Variants in TSHR observed in about 807,000 individuals in gnomAD.
The protein encoded by TSHR is thyrotropin receptor.
Under a neutral mutation model 64.1 loss-of-function variants are expected in TSHR, and 51 were observed. That is an observed-to-expected ratio of 0.80 (90% confidence interval 0.64 to 1.01). TSHR has a LOEUF of 1.01. Among genes scored for constraint, TSHR ranks in the 50% least tolerant of loss-of-function variants. TSHR has a pLI of 0.00. For synonymous variants in TSHR, 361 were observed against 361.9 expected (o/e 1.00, Z 0.03); for missense variants, 877 against 942.8 (o/e 0.93, Z 0.91).
intron 1 of TSHR, among the ~76,000 whole-genome samples, chr14:80,999,041 G>A (rs1413253377): frequency 6.6e-6 from 1 of 152,228 alleles, no homozygotes; most frequent in East Asian, 1.9e-4. Context: ...CCAATTTTGA[G>A]GATATCATAT....
intron 3 of TSHR, among the ~76,000 whole-genome samples, chr14:81,074,435 G>A (rs1227978669): frequency 6.6e-6 from 1 of 152,160 alleles, no homozygotes; most frequent in Non-Finnish European, 1.5e-5. Flanking sequence ...GAAATATAGA[G>A]CTGAAAGATC....
At chr14:80,985,004 A>T (rs542655530) in intron 1 of TSHR, among the ~76,000 whole-genome samples, 3 of 152,182 alleles carry the variant, frequency 2.0e-5, no homozygotes, top group Non-Finnish European at 4.4e-5. Context: ...TAATCCTAGC[A>T]CTTTGGGAAG....
intron 8 of TSHR, among the ~76,000 whole-genome samples, chr14:81,110,421 A>G (rs1279473369): frequency 6.6e-6 from 1 of 152,248 alleles, no homozygotes; most frequent in Middle Eastern, 3.2e-3. Flanking sequence ...GTGAGGCCAC[A>G]GCAAGAAGGT....
intron 3 of TSHR, among the ~76,000 whole-genome samples, chr14:81,081,828 A>C (rs760056280): frequency 2.0e-5 from 3 of 152,178 alleles, no homozygotes; most frequent in Non-Finnish European, 4.4e-5. Context: ...GTATGCAGCA[A>C]AGTGCACCTA....
intron 1 of TSHR, chr14:80,983,733 G>A (rs953849552): frequency 7.5e-5 from 32 of 424,346 alleles, no homozygotes; most frequent in African/African-American, 5.5e-4. Flanking sequence ...TTATTATGGT[G>A]TACAAGTTAT....
chr14:80,975,278 G>A (rs777276820), intron 1 of TSHR, among the ~76,000 whole-genome samples: 1 of 150,802 alleles, frequency 6.6e-6, no homozygotes, highest in Admixed American at 6.6e-5. Context: ...CACAAATGAA[G>A]TATTTCATTT....
intron 8 of TSHR, among the ~76,000 whole-genome samples, chr14:81,118,575 C>T (rs1015113688): frequency 6.6e-6 from 1 of 151,574 alleles, no homozygotes; most frequent in Non-Finnish European, 1.5e-5. Flanking sequence ...TAGGAAGAAT[C>T]AATATTGTGA....
chr14:81,001,284 A>T, intron 1 of TSHR: 1 of 223,008 alleles, frequency 4.5e-6, no homozygotes, highest in Admixed American at 5.1e-5. Context: ...CTGAATCCTT[A>T]CTGAAAAGGA....
Position 81,144,172 on chromosome 14 carries a change from CA to C in TSHR, c.2115del (p.Tyr706ThrfsTer23), listed in dbSNP as rs1891837478. 3.7e-6 allele frequency: 6 copies of C among 1,613,942 alleles called. No homozygotes were observed. The highest frequency in any genetic ancestry group is 5.1e-6 in the Non-Finnish European group (6 of 1,179,968). ...GGCATCTGTAAACGCCAGGCTCAGG[CA>C]TACCGGGGGCAGAGGGTTCCTCCAA... ...KFGICKRQAQ[A>X]YRGQRVPPKN... On this transcript the variant is annotated frameshift_variant, in exon 10 of 10. Coordinates refer to ENST00000298171, the MANE Select transcript of TSHR (RefSeq NM_000369.5). LOFTEE classifies it high-confidence loss of function.
At chr14:81,036,371 A>G (rs971028401) in intron 1 of TSHR, among the ~76,000 whole-genome samples, 3 of 152,196 alleles carry the variant, frequency 2.0e-5, no homozygotes, top group Non-Finnish European at 4.4e-5. Flanking sequence ...GGGAATCCCC[A>G]CTAGACTATC....
chr14:81,099,162 T>C (rs1033211603), intron 7 of TSHR, among the ~76,000 whole-genome samples: 7 of 152,188 alleles, frequency 4.6e-5, no homozygotes, highest in Admixed American at 1.3e-4. Context: ...GTGAGTCCAA[T>C]ACAGAGCAAA....
intron 1 of TSHR, among the ~76,000 whole-genome samples, chr14:81,020,816 T>C (rs1335562184): frequency 6.6e-6 from 1 of 152,210 alleles, no homozygotes; most frequent in Non-Finnish European, 1.5e-5. Flanking sequence ...CCATATGTTC[T>C]GGATTGAAGT....
chr14:81,082,009 T>C (rs1887935385), intron 3 of TSHR, among the ~76,000 whole-genome samples: 1 of 152,138 alleles, frequency 6.6e-6, no homozygotes, highest in Admixed American at 6.5e-5. Flanking sequence ...AAATAAGCTT[T>C]CCTATATTAA....
At chr14:80,981,188 C>T (rs535477190) in intron 1 of TSHR, among the ~76,000 whole-genome samples, 2 of 152,150 alleles carry the variant, frequency 1.3e-5, no homozygotes, top group Non-Finnish European at 2.9e-5. Context: ...CCAACAGCAA[C>T]ATCAGGGATT....
chr14:81,106,596 A>G (rs757946629), intron 7 of TSHR, among the ~76,000 whole-genome samples: 3 of 152,192 alleles, frequency 2.0e-5, no homozygotes, highest in Admixed American at 6.5e-5. Context: ...TAGAGAGTGT[A>G]TGGAGGCAAA....
At chr14:81,041,194 T>G (rs1010733545) in intron 1 of TSHR, among the ~76,000 whole-genome samples, 5 of 152,056 alleles carry the variant, frequency 3.3e-5, no homozygotes, top group Admixed American at 2.6e-4. Flanking sequence ...TAATATAAAT[T>G]ATTCTCTTAT....
At chr14:81,055,335 G>A (rs1364436016) in intron 1 of TSHR, among the ~76,000 whole-genome samples, 1 of 152,230 alleles carries the variant, frequency 6.6e-6, no homozygotes, top group Non-Finnish European at 1.5e-5. Context: ...AGGCACTCAT[G>A]AAGAATCTCT....
chr14:81,005,517 GA>G (rs1889558210), intron 1 of TSHR, among the ~76,000 whole-genome samples: 1 of 152,014 alleles, frequency 6.6e-6, no homozygotes, highest in Non-Finnish European at 1.5e-5. Flanking sequence ...ATACTTAGTA[GA>G]AAAACATATT....
At chr14:80,968,497 G>T (rs1887430689) in intron 1 of TSHR, among the ~76,000 whole-genome samples, 2 of 151,972 alleles carry the variant, frequency 1.3e-5, no homozygotes, top group Non-Finnish European at 2.9e-5. Context: ...AAACTAGTCT[G>T]CCCTGCTGCA....
Sources: gnomAD v4.1 joint callset for allele counts (sites outside exome capture counted in the v4.1 genomes callset) on GRCh38, gnomAD v4.1.1 for gene constraint, MANE v1.5 for transcripts, NCBI Gene and HGNC (gene_info 2026-07-23, HGNC 2026-07-21) for gene names.